The following CAMK4 variants were observed in gnomAD, a reference collection of about 807,000 sequenced individuals.
The protein encoded by CAMK4 is calcium/calmodulin dependent protein kinase IV, also known as calcium/calmodulin-dependent protein kinase type IV.
Under a neutral mutation model 44.9 loss-of-function variants are expected in CAMK4, and 22 were observed. The ratio of observed to expected loss-of-function variants is 0.49; its 90% confidence interval spans 0.35 to 0.70. The LOEUF is 0.70. CAMK4 is among the 30% of genes least tolerant of loss of function. The pLI is 0.01. For synonymous variants in CAMK4, 218 were observed against 215.4 expected, an observed-to-expected ratio of 1.01 and a Z score of -0.11; for missense variants, 498 against 586.8, an observed-to-expected ratio of 0.85 and a Z score of 1.56.
At chr5:111,265,533 C>T (rs945279093) in intron 1 of CAMK4, among the ~76,000 whole-genome samples, 1 of 152,186 alleles carries the variant, frequency 6.6e-6, no homozygotes, top group Non-Finnish European at 1.5e-5. Context: ...TAGCTTCTCT[C>T]ATTTTACATA....
intron 1 of CAMK4, among the ~76,000 whole-genome samples, chr5:111,308,955 G>C (rs1748080119): frequency 6.6e-6 from 1 of 152,050 alleles, no homozygotes; most frequent in Non-Finnish European, 1.5e-5. Context: ...TAACTTCATT[G>C]ACTGATGTTT....
At chr5:111,318,695 G>A (rs947099211) in intron 1 of CAMK4, among the ~76,000 whole-genome samples, 2 of 152,124 alleles carry the variant, frequency 1.3e-5, no homozygotes, top group African/African-American at 4.8e-5. Context: ...TGGCCTTAAT[G>A]AAAGAATCAG....
At chr5:111,280,219 A>G (rs1750951835) in intron 1 of CAMK4, among the ~76,000 whole-genome samples, 4 of 152,234 alleles carry the variant, frequency 2.6e-5, no homozygotes, top group African/African-American at 9.6e-5. Flanking sequence ...AAGCTTTTAA[A>G]TGAATCTTCT....
intron 1 of CAMK4, among the ~76,000 whole-genome samples, chr5:111,289,063 T>A (rs772586051): frequency 9.2e-5 from 14 of 152,128 alleles, no homozygotes; most frequent in Non-Finnish European, 1.6e-4. Context: ...AATACAGGCA[T>A]GGGCTGGGTG....
chr5:111,242,688 G>T (rs996753506), intron 1 of CAMK4, among the ~76,000 whole-genome samples: 1 of 152,062 alleles, frequency 6.6e-6, no homozygotes, highest in African/African-American at 2.4e-5. Context: ...CAGCCGTTGC[G>T]CTTGCCGTCT....
At chr5:111,285,715 T>A (rs1246146848) in intron 1 of CAMK4, among the ~76,000 whole-genome samples, 2 of 152,230 alleles carry the variant, frequency 1.3e-5, no homozygotes, top group Admixed American at 1.3e-4. Flanking sequence ...ATCCTCTTAA[T>A]GGTGAGTTGC....
At chr5:111,440,418 T>C (rs1305440651) in intron 5 of CAMK4, among the ~76,000 whole-genome samples, 1 of 151,886 alleles carries the variant, frequency 6.6e-6, no homozygotes. Flanking sequence ...ATAGTAAGAA[T>C]GTTTCAAATC....
At chr5:111,277,712 C>T (rs1750832536) in intron 1 of CAMK4, 1 of 151,960 alleles carries the variant, frequency 6.6e-6, no homozygotes, top group Admixed American at 6.6e-5. Flanking sequence ...TTATGATACA[C>T]AATTTTTTGT....
chr5:111,404,903 G>A (rs952292690), intron 5 of CAMK4, among the ~76,000 whole-genome samples: 26 of 148,634 alleles, frequency 1.7e-4, no homozygotes, highest in Admixed American at 2.1e-4. Context: ...TTGTTTGGGG[G>A]TTTTGTTAAT....
intron 1 of CAMK4, among the ~76,000 whole-genome samples, chr5:111,279,423 T>C (rs1750912101): frequency 6.6e-6 from 1 of 152,134 alleles, no homozygotes. Flanking sequence ...ATCAAATCCA[T>C]GTATGAGAAA....
intron 5 of CAMK4, among the ~76,000 whole-genome samples, chr5:111,403,244 TG>T (rs1752296394): frequency 1.3e-5 from 2 of 152,264 alleles, no homozygotes; most frequent in Non-Finnish European, 2.9e-5. Context: ...AAATTGCTTT[TG>T]ACACTTGTTT....
intron 7 of CAMK4, among the ~76,000 whole-genome samples, chr5:111,468,016 T>A (rs2112478471): frequency 6.6e-6 from 1 of 150,474 alleles, no homozygotes; most frequent in Admixed American, 6.6e-5. Context: ...ATAATGACAT[T>A]TGCAGCAACC....
rs553334788 is a variant in CAMK4, at chr5:111,419,062, G to A, written c.459+24280G>A. ...GAACTAGTTTACAGTCCCACCAACA[G>A]TGTAAAAATGTTCCTATTTCTCCAC... is the stretch of plus-strand genomic sequence containing the variant. On this transcript the variant is annotated intron_variant, in intron 5 of 10. Coordinates refer to ENST00000282356, the MANE Select transcript of CAMK4 (RefSeq NM_001744.6). Among the ~76,000 whole-genome samples, 531 of 152,208 alleles carry A rather than the reference G, an allele frequency of 3.5e-3. 2 individuals carry two copies. Among genetic ancestry groups the A allele is most frequent in the African/African-American group, 0.012 (510 of 41,528 alleles).
chr5:111,231,673 C>G (rs1367559133), intron 1 of CAMK4, among the ~76,000 whole-genome samples: 1 of 152,084 alleles, frequency 6.6e-6, no homozygotes, highest in Non-Finnish European at 1.5e-5. Flanking sequence ...TATGTGTATT[C>G]CACTTCTGCT....
intron 5 of CAMK4, among the ~76,000 whole-genome samples, chr5:111,420,661 T>A (rs1326693471): frequency 6.6e-6 from 1 of 152,216 alleles, no homozygotes; most frequent in Admixed American, 6.5e-5. Context: ...GGGGGCCGTT[T>A]ATAGGCCTAT....
At chr5:111,391,215 G>T (rs1751784501) in intron 4 of CAMK4, among the ~76,000 whole-genome samples, 1 of 151,890 alleles carries the variant, frequency 6.6e-6, no homozygotes, top group Non-Finnish European at 1.5e-5. Context: ...TAAAGGCAAG[G>T]GAATGAAGTT....
chr5:111,335,121 C>T (rs867869612), intron 1 of CAMK4, among the ~76,000 whole-genome samples: 4 of 151,434 alleles, frequency 2.6e-5, no homozygotes, highest in African/African-American at 9.7e-5. Context: ...TCTGAATTTC[C>T]CTTGCATTTG....
At chr5:111,295,800 GGAACAAGGACAATTT>G (rs1747456894) in intron 1 of CAMK4, among the ~76,000 whole-genome samples, 1 of 152,170 alleles carries the variant, frequency 6.6e-6, no homozygotes, top group South Asian at 2.1e-4. Flanking sequence ...AAATGAGAGG[GGAACAAGGACAATTT>G]GAACAAATAT....
At chr5:111,345,960 C>A (rs917773681) in intron 2 of CAMK4, among the ~76,000 whole-genome samples, 14 of 151,850 alleles carry the variant, frequency 9.2e-5, no homozygotes, top group African/African-American at 2.9e-4. Context: ...TACTACTGTG[C>A]CAAATGGAAT....
Sources: gnomAD v4.1 joint callset for allele counts (sites outside exome capture counted in the v4.1 genomes callset) on GRCh38, gnomAD v4.1.1 for gene constraint, MANE v1.5 for transcripts, NCBI Gene and HGNC (gene_info 2026-07-23, HGNC 2026-07-21) for gene names.